The following HSD17B12 variants were observed in gnomAD, a reference collection of about 807,000 sequenced individuals.
The protein encoded by HSD17B12 is hydroxysteroid 17-beta dehydrogenase 12, also known as very-long-chain 3-oxoacyl-CoA reductase.
A neutral mutation model predicts 39.3 loss-of-function variants in HSD17B12; 32 were observed. That is an observed-to-expected ratio of 0.81 (90% CI 0.61 to 1.09). HSD17B12 has a LOEUF of 1.09. Among genes scored for constraint, HSD17B12 ranks in the 50% least tolerant of loss-of-function variants. The pLI, the probability that HSD17B12 is intolerant of heterozygous loss-of-function variation, is 0.00. For missense variants in HSD17B12, 342 were observed against 382.9 expected (o/e 0.89, Z 0.89); for synonymous variants, 150 against 146.7 (o/e 1.02, Z -0.16).
At chr11:43,823,509 G>A (rs920455900) in intron 6 of HSD17B12, among the ~76,000 whole-genome samples, 1 of 152,010 alleles carries the variant, frequency 6.6e-6, no homozygotes, top group Non-Finnish European at 1.5e-5. Context: ...GGCCTCAAGC[G>A]ATCCTCCTGC....
At chr11:43,690,347 G>C (rs1409078600) in intron 1 of HSD17B12, among the ~76,000 whole-genome samples, 1 of 115,264 alleles carries the variant, frequency 8.7e-6, no homozygotes, top group African/African-American at 3.4e-5. Context: ...TATCTGTTAA[G>C]TAAGGTATTC....
the HSD17B12 span, among the ~76,000 whole-genome samples, chr11:43,601,177 CT>C: frequency 6.6e-6 from 1 of 151,410 alleles, no homozygotes; most frequent in Non-Finnish European, 1.5e-5. Flanking sequence ...ATTTTTTCAT[CT>C]CATTCTGTTG....
At chr11:43,642,886 GA>G in the HSD17B12 span, among the ~76,000 whole-genome samples, 6 of 151,980 alleles carry the variant, frequency 3.9e-5, no homozygotes, top group Non-Finnish European at 8.8e-5. Flanking sequence ...TAGTTTACTA[GA>G]TAAAAAATGT....
chr11:43,734,256 C>T (rs1212053010), intron 1 of HSD17B12: 2 of 1,330,614 alleles, frequency 1.5e-6, no homozygotes, highest in African/African-American at 1.4e-5. Flanking sequence ...GACTACGTGT[C>T]CTTGACACAT....
the HSD17B12 span, among the ~76,000 whole-genome samples, chr11:43,598,174 G>A: frequency 1.7e-3 from 261 of 152,216 alleles, no homozygotes; most frequent in Non-Finnish European, 3.3e-3. Context: ...CAGACACCCA[G>A]AGTTACGTGT....
At chr11:43,755,113 T>A in intron 3 of HSD17B12, 2 of 370,388 alleles carry the variant, frequency 5.4e-6, no homozygotes, top group Non-Finnish European at 9.6e-6. Flanking sequence ...TCCAAACTTA[T>A]GTTGGGTATA....
chr11:43,666,455 T>C, the HSD17B12 span, among the ~76,000 whole-genome samples: 13 of 152,228 alleles, frequency 8.5e-5, no homozygotes, highest in African/African-American at 3.1e-4. Flanking sequence ...TCCTCCTGCC[T>C]CAGCTTCCCA....
the HSD17B12 span, among the ~76,000 whole-genome samples, chr11:43,604,879 C>G: frequency 6.6e-6 from 1 of 152,162 alleles, no homozygotes; most frequent in Non-Finnish European, 1.5e-5. Flanking sequence ...CTATCTATTA[C>G]AAGTCAAGTT....
chr11:43,749,677 A>G (rs1950447456), intron 1 of HSD17B12, among the ~76,000 whole-genome samples: 1 of 151,856 alleles, frequency 6.6e-6, no homozygotes, highest in African/African-American at 2.4e-5. Context: ...CAGCTAAGCA[A>G]GAACATGATG....
chr11:43,625,720 T>G, the HSD17B12 span, among the ~76,000 whole-genome samples: 2 of 151,288 alleles, frequency 1.3e-5, no homozygotes, highest in Admixed American at 1.3e-4. Context: ...AGAAGTTCAT[T>G]GTCAGCTTAC....
chr11:43,626,023 T>C, the HSD17B12 span, among the ~76,000 whole-genome samples: 1 of 151,622 alleles, frequency 6.6e-6, no homozygotes, highest in Admixed American at 6.6e-5. Context: ...GAAGATGAAA[T>C]AATTTTATTA....
chr11:43,809,753 G>T (rs1302872022), intron 4 of HSD17B12, among the ~76,000 whole-genome samples: 2 of 152,188 alleles, frequency 1.3e-5, no homozygotes, highest in South Asian at 4.1e-4. Flanking sequence ...CCAGGAGACG[G>T]ATTGCAGTGA....
At chr11:43,850,348 C>T (rs1951518570) in intron 9 of HSD17B12, among the ~76,000 whole-genome samples, 1 of 152,088 alleles carries the variant, frequency 6.6e-6, no homozygotes. Context: ...TGGAGTTTTC[C>T]TAATATTCTT....
intron 6 of HSD17B12, among the ~76,000 whole-genome samples, chr11:43,826,378 C>T (rs1303194891): frequency 2.0e-5 from 3 of 152,020 alleles, no homozygotes; most frequent in Non-Finnish European, 2.9e-5. Flanking sequence ...CCACTGTGCC[C>T]GGCTGGTATA....
chr11:43,763,702 G>A (rs1245364814), intron 3 of HSD17B12, among the ~76,000 whole-genome samples: 4 of 150,688 alleles, frequency 2.7e-5, no homozygotes, highest in African/African-American at 7.3e-5. Context: ...CTTAAAATAC[G>A]TTAACTTTAC....
At chr11:43,835,451 CA>C (rs1476734364) in intron 7 of HSD17B12, among the ~76,000 whole-genome samples, 2 of 152,084 alleles carry the variant, frequency 1.3e-5, no homozygotes, top group Admixed American at 1.3e-4. Flanking sequence ...AGCTGTGATT[CA>C]GACAGAACTA....
the HSD17B12 span, among the ~76,000 whole-genome samples, chr11:43,572,419 TGGG>T: frequency 6.6e-6 from 1 of 152,256 alleles, no homozygotes; most frequent in East Asian, 1.9e-4. Context: ...CTCCACATGT[TGGG>T]GGATAGACCT....
At chr11:43,750,864 C>T (rs1590718221) in intron 1 of HSD17B12, 47 bp from the exon 2 acceptor site, 2 of 1,407,162 alleles carry the variant, frequency 1.4e-6, no homozygotes, top group East Asian at 4.6e-5. Flanking sequence ...TGACCAATTC[C>T]TCAATGTAAT....
chr11:43,812,184 G>A (rs187206770), intron 4 of HSD17B12, among the ~76,000 whole-genome samples: 14 of 152,224 alleles, frequency 9.2e-5, no homozygotes, highest in Non-Finnish European at 1.6e-4. Flanking sequence ...ATAAACACGG[G>A]GGTGCAGGTA....
Sources: allele counts gnomAD v4.1 joint callset (sites outside exome capture counted in the v4.1 genomes callset), GRCh38; gene constraint gnomAD v4.1.1; transcripts MANE v1.5; gene names NCBI Gene and HGNC (gene_info 2026-07-23, HGNC 2026-07-21).